NFIC: variants seen among roughly 807,000 people sequenced by gnomAD.
The protein encoded by NFIC is nuclear factor 1 C-type.
In NFIC, 12 loss-of-function variants were observed where a neutral mutation model predicts 54.4. That is an observed-to-expected ratio of 0.22 (90% confidence interval 0.14 to 0.36). The LOEUF (loss-of-function observed/expected upper bound fraction) is 0.36, where lower values mean the gene tolerates loss of function less well. Among genes scored for constraint, NFIC ranks in the 10% least tolerant of loss-of-function variants. The pLI is 1.00. For missense variants in NFIC, 575 were observed against 718.2 expected, an observed-to-expected ratio of 0.80 and a Z score of 2.28; for synonymous variants, 322 against 319.2, an observed-to-expected ratio of 1.01 and a Z score of -0.09.
intron 3 of NFIC, among the ~76,000 whole-genome samples, chr19:3,428,187 AAAAG>A (rs1568442795): frequency 1.3e-5 from 2 of 149,966 alleles, no homozygotes; most frequent in Non-Finnish European, 3.0e-5. Context: ...AAAAAAAAAG[AAAAG>A]AAAAGAAAAA....
At chr19:3,444,270 C>T (rs2082337525) in intron 6 of NFIC, among the ~76,000 whole-genome samples, 1 of 152,058 alleles carries the variant, frequency 6.6e-6, no homozygotes, top group Admixed American at 6.6e-5. Flanking sequence ...GTCAGATGGG[C>T]GTGTGTGTTA....
chr19:3,373,703 A>C (rs781283938), intron 1 of NFIC, among the ~76,000 whole-genome samples: 4 of 142,640 alleles, frequency 2.8e-5, no homozygotes, highest in Non-Finnish European at 4.5e-5. Flanking sequence ...CACTTTGCCC[A>C]ACTTGACGTT....
chr19:3,439,408 C>T (rs930691838), intron 6 of NFIC, among the ~76,000 whole-genome samples: 46 of 137,182 alleles, frequency 3.4e-4, no homozygotes, highest in East Asian at 1.4e-3. Context: ...TTTGGGAGGC[C>T]GAGGCAGGCG....
intron 6 of NFIC, among the ~76,000 whole-genome samples, chr19:3,441,991 G>A (rs977894146): frequency 2.6e-4 from 40 of 152,286 alleles, no homozygotes; most frequent in Admixed American, 1.0e-3. Context: ...TTCCTCTGGC[G>A]GACTCGGGGC....
intron 2 of NFIC, among the ~76,000 whole-genome samples, chr19:3,403,777 A>G (rs2145545050): frequency 6.6e-6 from 1 of 152,160 alleles, no homozygotes; most frequent in Non-Finnish European, 1.5e-5. Context: ...GCGCCCCAAG[A>G]AATATCAGAA....
At chr19:3,440,426 C>T (rs957318894) in intron 6 of NFIC, among the ~76,000 whole-genome samples, 6 of 151,020 alleles carry the variant, frequency 4.0e-5, no homozygotes, top group African/African-American at 1.5e-4. Flanking sequence ...CTGGTCTGGG[C>T]CACTCTTTTT....
chr19:3,453,780 G>A lies in NFIC; in HGVS notation c.1287G>A (p.Gln429=), dbSNP rs1379896950. 6.2e-7 allele frequency: 1 copy of A among 1,604,494 alleles called. No individual in the cohort carries two copies. The highest frequency in any genetic ancestry group is 1.7e-5 in the Admixed American group (1 of 58,790). ...TCCCCCAGTTAAATGGAAGTGGTCA[G>A]CTCAAAATGCCCAGCCACTGCCTTT... is the stretch of plus-strand genomic sequence containing the variant. ...QQPGPLNGSG[Q]LKMPSHCLSA... The change falls in exon 9 of 11, where the codon CAG becomes CAA. Residue 429 remains glutamine, a synonymous_variant. Coordinates refer to ENST00000443272, the MANE Select transcript of NFIC (RefSeq NM_001245002.2). This position sits in a 1 kb window ranked among gnomAD's most constrained non-coding sequence, Gnocchi z 6.7.
rs769460346 is a variant in NFIC, at chr19:3,382,145, C to T, written c.464C>T (p.Ala155Val). 5.0e-6 allele frequency: 8 copies of T among 1,613,116 alleles called. No individual in the cohort carries two copies. The highest frequency in any genetic ancestry group is 3.3e-5 in the South Asian group (3 of 91,084). Residue 155 changes from alanine (A) to valine (V), a missense_variant, in exon 2 of 11, where the codon GCG becomes GTG. Ala to Val is a moderately conservative substitution (Grantham distance 64, BLOSUM62 0). Transcript: ENST00000443272. Reference protein sequence around the residue: ...STDGERLVKAAQCGHPVLCVQ... With the variant: ...STDGERLVKAVQCGHPVLCVQ... Reference sequence around the variant, plus strand: ...GACGGCGAGCGCCTGGTCAAGGCTGCGCAGTGCGGTCACCCGGTCCTGTGC... The same window carrying T: ...GACGGCGAGCGCCTGGTCAAGGCTGTGCAGTGCGGTCACCCGGTCCTGTGC...
At position 3,459,669 on chromosome 19, in the gene NFIC, G is replaced by A. The variant is rs1051345611; in HGVS notation, c.1509+3034G>A. Among the ~76,000 whole-genome samples the A allele has an allele frequency of 2.6e-5, 4 of 152,242 alleles. No individual in the cohort carries two copies. The highest frequency in any genetic ancestry group is 9.6e-5 in the African/African-American group (4 of 41,476). On this transcript the variant is annotated intron_variant, in intron 10 of 10. Coordinates refer to ENST00000443272, the MANE Select transcript of NFIC (RefSeq NM_001245002.2). The surrounding 1 kb of genome is among the most constrained non-coding windows in gnomAD (Gnocchi z 4.2). The stretch of plus-strand genomic sequence containing the variant: ...CAGCCAGGCAGGAAGGGGAGGGGAG[G>A]GAAGGGAGGAGGGAGGAAGGGCTGA...
rs1045856143 is a variant in NFIC at position 3,459,042 on chromosome 19, T to TC, written c.1509+2410dup. On this transcript the variant is annotated intron_variant, in intron 10 of 10. Coordinates refer to ENST00000443272, the MANE Select transcript of NFIC (RefSeq NM_001245002.2). The surrounding 1 kb of genome is among the most constrained non-coding windows in gnomAD (Gnocchi z 4.2). The stretch of plus-strand genomic sequence containing the variant: ...GAGAGGGAGGGAAGAAGCAGTGAGA[T>TC]CCCGCTCTCCCCTCTCCCAGCTCCC... Among the ~76,000 whole-genome samples the TC allele has an allele frequency of 4.6e-5, 7 of 151,776 alleles. No homozygotes were observed. Among genetic ancestry groups the TC allele is most frequent in the African/African-American group, 9.7e-5 (4 of 41,312 alleles).
At chr19:3,372,991 T>A (rs567443841) in intron 1 of NFIC, among the ~76,000 whole-genome samples, 2 of 152,212 alleles carry the variant, frequency 1.3e-5, no homozygotes, top group African/African-American at 4.8e-5. Context: ...ATTGCAGGTG[T>A]GTGTCACCGC....
Position 3,462,851 on chromosome 19 carries a change from C to A in NFIC, c.*82C>A, listed in dbSNP as rs8047. ...ACAGCCGGCCCCCGGCCCACGTTTT[C>A]GGTGGAAAATTAGAGTGAACAAGAA... On this transcript the variant is annotated 3_prime_UTR_variant, in exon 11 of 11. Transcript: ENST00000443272. 6.2e-7 allele frequency: 1 copy of A among 1,607,748 alleles called. No individual in the cohort carries two copies. Among genetic ancestry groups the A allele is most frequent in the South Asian group, 1.1e-5 (1 of 90,426 alleles).
At chr19:3,451,529 G>A (rs2082462273) in intron 7 of NFIC, among the ~76,000 whole-genome samples, 1 of 151,948 alleles carries the variant, frequency 6.6e-6, no homozygotes, top group South Asian at 2.1e-4. Context: ...TGCTACTCAG[G>A]CCGAGGCAGG....
intron 1 of NFIC, among the ~76,000 whole-genome samples, chr19:3,371,973 CTT>C (rs2081024370): frequency 9.5e-6 from 1 of 105,348 alleles, no homozygotes; most frequent in Non-Finnish European, 1.9e-5. Context: ...CTTTCCTTCT[CTT>C]TCTCTCTCTC....
At chr19:3,363,627 C>T (rs1185771919), upstream of NFIC, among the ~76,000 whole-genome samples, 1 of 152,058 alleles carries the variant, frequency 6.6e-6, no homozygotes, top group Non-Finnish European at 1.5e-5. Flanking sequence ...GTAAAGGATA[C>T]TATGTATATT....
In NFIC at chr19:3,463,079, C is replaced by G. The variant is rs147192339; in HGVS notation, c.*310C>G. 3.7e-3 allele frequency: 4,875 copies of G among 1,306,578 alleles called. 20 individuals carry two copies. Among genetic ancestry groups the G allele is most frequent in the Middle Eastern group, 7.1e-3 (24 of 3,396 alleles). The allele number at this position is 1,306,578 out of a possible 1,614,324, so 80.9% of individuals were successfully genotyped here. On this transcript the variant is annotated 3_prime_UTR_variant, in exon 11 of 11. Transcript: ENST00000443272. Reference sequence around the variant, plus strand: ...CTGGAGGGCCAGGCCCCGCCACCCCCACGGGAGACCCGGGACAGGGCGTCT... The same window carrying G: ...CTGGAGGGCCAGGCCCCGCCACCCCGACGGGAGACCCGGGACAGGGCGTCT...
At chr19:3,396,728 G>C (rs552372756) in intron 2 of NFIC, among the ~76,000 whole-genome samples, 2 of 152,312 alleles carry the variant, frequency 1.3e-5, no homozygotes, top group South Asian at 4.1e-4. Context: ...GGCCAAGGTG[G>C]GTGGATCACC....
chr19:3,366,711 G>A (rs752281314), intron 1 of NFIC, 45 bp downstream of exon 1: 7 of 1,012,240 alleles, frequency 6.9e-6, no homozygotes, highest in African/African-American at 5.6e-5. Context: ...CGCGCCCCCC[G>A]CATCCCAGCC....
At chr19:3,398,316 C>T (rs535176934) in intron 2 of NFIC, among the ~76,000 whole-genome samples, 9 of 152,288 alleles carry the variant, frequency 5.9e-5, no homozygotes, top group South Asian at 4.1e-4. Flanking sequence ...CCTCCACTGG[C>T]GCACTTATTG....
Sources: gnomAD v4.1 joint callset for allele counts (sites outside exome capture counted in the v4.1 genomes callset) on GRCh38, gnomAD v4.1.1 for gene constraint, Gnocchi (gnomAD v3.1) non-coding constraint, MANE v1.5 for transcripts, NCBI Gene and HGNC (gene_info 2026-07-23, HGNC 2026-07-21) for gene names.